Variants in AK3 observed in about 807,000 individuals in gnomAD.
AK3 encodes the protein GTP:AMP phosphotransferase AK3, mitochondrial.
Under a neutral mutation model 23.7 loss-of-function variants are expected in AK3, and 27 were observed. That is an observed-to-expected ratio of 1.14 (90% confidence interval 0.84 to 1.57). The LOEUF (loss-of-function observed/expected upper bound fraction) is 1.57, where lower values mean the gene tolerates loss of function less well. Ranked by LOEUF, AK3 falls within the 40% of genes most tolerant of loss-of-function variation. AK3 has a pLI of 0.00. For synonymous variants in AK3, 159 were observed against 116.0 expected (o/e 1.37, Z -2.38); for missense variants, 406 against 285.6 (o/e 1.42, Z -3.04).
At chr9:4,721,136 C>T (rs1266072576) in intron 2 of AK3, among the ~76,000 whole-genome samples, 2 of 152,174 alleles carry the variant, frequency 1.3e-5, no homozygotes, top group Non-Finnish European at 1.5e-5. Context: ...GGTGCGATGG[C>T]TCATACTTGC....
chr9:4,738,473 CA>C (rs1173940110), intron 1 of AK3, among the ~76,000 whole-genome samples: 2 of 152,064 alleles, frequency 1.3e-5, no homozygotes, highest in Non-Finnish European at 2.9e-5. Flanking sequence ...GCTTAAACAT[CA>C]TTTTTAAGAC....
intron 1 of AK3, among the ~76,000 whole-genome samples, chr9:4,735,837 A>G (rs944119984): frequency 2.6e-5 from 4 of 152,000 alleles, no homozygotes; most frequent in African/African-American, 7.2e-5. Flanking sequence ...GATGAAGGCC[A>G]GGTGCAGTAG....
intron 1 of AK3, among the ~76,000 whole-genome samples, chr9:4,735,048 T>C (rs193183886): frequency 3.9e-5 from 6 of 151,932 alleles, no homozygotes; most frequent in Non-Finnish European, 8.8e-5. Context: ...ATGAAGTTTC[T>C]TTTATGGGGT....
Position 4,731,517 on chromosome 9 carries a change from T to C in AK3, c.152-8892A>G, listed in dbSNP as rs559711859. ...CATGAACTTTCTATATCAATAAGCA[T>C]TTATCCACAATATTTATTAAAACCT... On this transcript the variant is annotated intron_variant, in intron 1 of 4. Transcript: ENST00000381809. 9.9e-5 allele frequency among the ~76,000 whole-genome samples: 15 copies of C among 152,046 alleles called. No individual in the cohort carries two copies. In the South Asian group the frequency reaches 2.9e-3, roughly 29 times the overall value.
At chr9:4,716,020 G>A (rs1188503669) in intron 4 of AK3, among the ~76,000 whole-genome samples, 2 of 152,150 alleles carry the variant, frequency 1.3e-5, no homozygotes, top group Non-Finnish European at 2.9e-5. Context: ...GGAAAGCTGA[G>A]GGGCTGCTAC....
rs375640249 is a variant in AK3, at chr9:4,729,015, AT to A, written c.152-6391del. 2.3e-4 allele frequency among the ~76,000 whole-genome samples: 30 copies of A among 129,442 alleles called. 1 individual carries two copies. Among genetic ancestry groups the A allele is most frequent in the Non-Finnish European group, 2.8e-4 (18 of 63,454 alleles). 84.9% of individuals were successfully genotyped at this position (129,442 alleles called of 152,430 possible). On this transcript the variant is annotated intron_variant, in intron 1 of 4. Coordinates refer to ENST00000381809, the MANE Select transcript of AK3 (RefSeq NM_016282.4). ...CACACACACATATATATATATATAT[AT>A]TTTTTTTTTTTGAGACGGAATTTTG... is the stretch of plus-strand genomic sequence containing the variant.
intron 3 of AK3, 140 bp from the exon 4 acceptor site, chr9:4,718,677 C>T (rs1490775474): frequency 3.1e-6 from 2 of 638,300 alleles, no homozygotes; most frequent in Non-Finnish European, 5.4e-6. Flanking sequence ...AAAATGGAAT[C>T]CAACCTCAAA....
At position 4,739,175 on chromosome 9, in the gene AK3, C is replaced by T. The variant is rs1587663701; in HGVS notation, c.151+1762G>A. ...AGTATGTCGCATTAACAACATTTAG[C>T]AAGCAAGTCAAACAATCTCTGTTCT... On this transcript the variant is annotated intron_variant, in intron 1 of 4. Coordinates refer to ENST00000381809, the MANE Select transcript of AK3 (RefSeq NM_016282.4). Among the ~76,000 whole-genome samples the T allele has an allele frequency of 1.3e-5, 2 of 151,976 alleles. 1 individual carries two copies. The highest frequency in any genetic ancestry group is 4.1e-4 in the South Asian group (2 of 4,822).
At chr9:4,726,666 G>C (rs1587649051) in intron 1 of AK3, among the ~76,000 whole-genome samples, 4 of 151,684 alleles carry the variant, frequency 2.6e-5, no homozygotes, top group Admixed American at 2.6e-4. Flanking sequence ...TCATCCATGA[G>C]GGTTGGAATC....
intron 4 of AK3, among the ~76,000 whole-genome samples, chr9:4,713,966 A>ACATATACG (rs1841634422): frequency 9.7e-5 from 1 of 10,296 alleles, no homozygotes; most frequent in Non-Finnish European, 2.5e-4. Flanking sequence ...ACATATACAC[A>ACATATACG]CCTCCACATT....
chr9:4,725,943 T>C (rs548370712), intron 1 of AK3, among the ~76,000 whole-genome samples: 1 of 152,056 alleles, frequency 6.6e-6, no homozygotes, highest in Non-Finnish European at 1.5e-5. Context: ...GTGGGTTTGG[T>C]TCCAGACTAC....
At chr9:4,715,436 G>A (rs1399795265) in intron 4 of AK3, among the ~76,000 whole-genome samples, 6 of 127,722 alleles carry the variant, frequency 4.7e-5, no homozygotes, top group Non-Finnish European at 7.9e-5. Context: ...TCTGACACCC[G>A]CGCTCTAGAC....
chr9:4,741,959 C>G (rs774383554), upstream of AK3: 9 of 151,600 alleles, frequency 5.9e-5, no homozygotes, highest in Non-Finnish European at 8.8e-5. Flanking sequence ...GACCTTGAGC[C>G]GAGAGGGCCT....
chr9:4,734,752 T>C (rs927084330), intron 1 of AK3, among the ~76,000 whole-genome samples: 1 of 152,134 alleles, frequency 6.6e-6, no homozygotes, highest in Admixed American at 6.6e-5. Flanking sequence ...ACAACCCAAA[T>C]GTTCACCAAC....
At chr9:4,729,015 A>ATATATATATATATATATT (rs71326127) in intron 1 of AK3, among the ~76,000 whole-genome samples, 2 of 129,450 alleles carry the variant, frequency 1.5e-5, no homozygotes, top group East Asian at 4.8e-4. Flanking sequence ...ATATATATAT[A>ATATATATATATATATATT]TTTTTTTTTT....
Position 4,711,724 on chromosome 9 carries a change from C to T in AK3, c.*1252G>A, listed in dbSNP as rs562942768. ...CTCATATTTCCCCACTTCTACCAGA[C>T]CACACAGTACATCAGCAACCATCCT... On this transcript the variant is annotated 3_prime_UTR_variant, in exon 5 of 5. Coordinates refer to ENST00000381809, the MANE Select transcript of AK3 (RefSeq NM_016282.4). The T allele has an allele frequency of 6.6e-6, 1 of 152,320 alleles. No homozygotes were observed. Among genetic ancestry groups the T allele is most frequent in the African/African-American group, 2.4e-5 (1 of 41,560 alleles). 9.4% of individuals were successfully genotyped at this position (152,320 alleles called of 1,614,324 possible). A position where few individuals can be genotyped will look rare whatever the true frequency, so the allele number is the denominator to read the frequency against.
At chr9:4,728,928 T>C (rs929727580) in intron 1 of AK3, among the ~76,000 whole-genome samples, 2 of 145,798 alleles carry the variant, frequency 1.4e-5, no homozygotes, top group African/African-American at 2.5e-5. Context: ...CATATAAATA[T>C]ATACATACAT....
At chr9:4,730,658 A>G (rs1342887199) in intron 1 of AK3, among the ~76,000 whole-genome samples, 2 of 152,144 alleles carry the variant, frequency 1.3e-5, no homozygotes, top group East Asian at 3.8e-4. Context: ...TTATATATAG[A>G]TAGATAATCC....
upstream of AK3, chr9:4,742,018 T>C (rs576401958): frequency 2.1e-4 from 32 of 152,386 alleles, no homozygotes; most frequent in African/African-American, 7.5e-4. Flanking sequence ...GTGAGACTCT[T>C]TTATAAATAA....
Sources: allele counts gnomAD v4.1 joint callset (sites outside exome capture counted in the v4.1 genomes callset), GRCh38; gene constraint gnomAD v4.1.1; transcripts MANE v1.5; gene names NCBI Gene and HGNC (gene_info 2026-07-23, HGNC 2026-07-21).